The following DNAH9 variants were observed in gnomAD, a reference collection of about 807,000 sequenced individuals.
DNAH9 encodes the protein dynein axonemal heavy chain 9.
In DNAH9, 345 loss-of-function variants were observed where a neutral mutation model predicts 471.6. The ratio of observed to expected loss-of-function variants is 0.73; its 90% confidence interval spans 0.67 to 0.80. The LOEUF (loss-of-function observed/expected upper bound fraction) is 0.80. Ranked by LOEUF, DNAH9 falls within the 30% of genes least tolerant of loss-of-function variation. DNAH9 has a pLI of 0.00. For synonymous variants in DNAH9, 2,093 were observed against 2,123.6 expected (o/e 0.99, Z 0.40); for missense variants, 5,407 against 5,609.2 (o/e 0.96, Z 1.15).
chr17:11,743,629 G>A (rs1010750950), intron 30 of DNAH9, among the ~76,000 whole-genome samples: 3 of 152,094 alleles, frequency 2.0e-5, no homozygotes, highest in Non-Finnish European at 4.4e-5. Flanking sequence ...TGAGTTCCTT[G>A]AAATTGATTG....
Position 11,769,268 on chromosome 17 carries a change from C to T in DNAH9, c.7491C>T (p.Pro2497=), listed in dbSNP as rs568129739. ...GAGCTAAGCTGGCCAGCCTTGACCC[C>T]GAGGCATACCTGGTGAAAAACGTGC... ...LVGAKLASLD[P]EAYLVKNVPF... Residue 2497 remains proline (P), a synonymous_variant, in exon 38 of 69, where the codon CCC becomes CCT. Transcript: ENST00000262442. 68 of 1,614,104 alleles carry T rather than the reference C, an allele frequency of 4.2e-5. No individual in the cohort carries two copies. Among genetic ancestry groups the T allele is most frequent in the South Asian group, 3.8e-4 (35 of 91,076 alleles).
intron 38 of DNAH9, among the ~76,000 whole-genome samples, chr17:11,774,141 T>G (rs974708843): frequency 2.6e-5 from 4 of 151,894 alleles, no homozygotes; most frequent in Non-Finnish European, 5.9e-5. Context: ...TGCCACAAAA[T>G]AAAATAAAAT....
chr17:11,663,609 G>C (rs1473745916), intron 14 of DNAH9, among the ~76,000 whole-genome samples: 1 of 152,206 alleles, frequency 6.6e-6, no homozygotes, highest in African/African-American at 2.4e-5. Flanking sequence ...TCAGAAACCT[G>C]AACTATTTCT....
At chr17:11,797,874 A>C in intron 43 of DNAH9, 81 bp downstream of exon 43, 3 of 1,430,482 alleles carry the variant, frequency 2.1e-6, no homozygotes, top group Non-Finnish European at 2.8e-6. Flanking sequence ...ATTTGAGGTC[A>C]CTTCCGTAAA....
At position 11,745,057 on chromosome 17, in the gene DNAH9, C is replaced by T; in HGVS notation, c.6372C>T (p.Leu2124=). ...LVRKAIVDLK[L]QAEDNFVLKV... The stretch of plus-strand genomic sequence containing the variant: ...GGAAGGCGATAGTGGATCTGAAGCT[C>T]CAGGCTGAGGACAACTTTGTGCTCA... Residue 2124 remains leucine (L), a synonymous_variant, in exon 31 of 69, where the codon CTC becomes CTT. Coordinates refer to ENST00000262442, the MANE Select transcript of DNAH9 (RefSeq NM_001372.4). 6.2e-7 allele frequency: 1 copy of T among 1,613,712 alleles called. No homozygotes were observed. Among genetic ancestry groups the T allele is most frequent in the Non-Finnish European group, 8.5e-7 (1 of 1,179,680 alleles).
rs1486434968 is a variant in DNAH9 at position 11,757,584 on chromosome 17, C to T, written c.6887C>T (p.Pro2296Leu). 4 of 1,613,858 alleles carry T rather than the reference C, an allele frequency of 2.5e-6. No individual in the cohort carries two copies. The highest frequency in any genetic ancestry group is 3.4e-6 in the Non-Finnish European group (4 of 1,179,740). ...YINPADLGWN[P>L]PVSSWIEKRE... ...AACCCGGCAGACTTGGGATGGAACC[C>T]TCCAGTGAGCAGCTGGATTGAGAAG... Residue 2296 changes from proline (P) to leucine (L), a missense_variant, in exon 35 of 69, where the codon CCT becomes CTT. Pro to Leu is a moderately conservative substitution (Grantham distance 98, BLOSUM62 -3). Coordinates refer to ENST00000262442, the MANE Select transcript of DNAH9 (RefSeq NM_001372.4).
chr17:11,882,996 A>T (rs1972777641), intron 55 of DNAH9: 1 of 985,532 alleles, frequency 1.0e-6, no homozygotes, highest in Non-Finnish European at 1.2e-6. Flanking sequence ...GTACAAGGGC[A>T]AAGACACTAC....
At chr17:11,844,475 G>A (rs1270289438) in intron 49 of DNAH9, among the ~76,000 whole-genome samples, 1 of 151,952 alleles carries the variant, frequency 6.6e-6, no homozygotes, top group African/African-American at 2.4e-5. Context: ...GAGCGATCTC[G>A]GCTCACTGCA....
chr17:11,647,316 A>C, intron 12 of DNAH9, 118 bp downstream of exon 12: 1 of 1,038,080 alleles, frequency 9.6e-7, no homozygotes, highest in Non-Finnish European at 1.4e-6. Context: ...CTTGTCGCCC[A>C]GGCTGGAGTG....
rs180839369 is a variant in DNAH9 at position 11,871,884 on chromosome 17, C to T, written c.10242+98C>T. The stretch of plus-strand genomic sequence containing the variant: ...TCGCATCCTCTGGTGTCCTCCTGCA[C>T]ACTCATCCCCACCACCCCCTGAGCA... On this transcript the variant is annotated intron_variant, in intron 52 of 68. Coordinates refer to ENST00000262442, the MANE Select transcript of DNAH9 (RefSeq NM_001372.4). 1.8e-5 allele frequency: 22 copies of T among 1,249,032 alleles called. No homozygotes were observed. The East Asian group carries it at 3.3e-4, about 19-fold the overall frequency. 77.4% of individuals were successfully genotyped at this position (1,249,032 alleles called of 1,614,324 possible).
intron 27 of DNAH9, 37 bp from the exon 28 acceptor site, chr17:11,727,781 C>A: frequency 7.1e-7 from 1 of 1,417,182 alleles, no homozygotes; most frequent in Non-Finnish European, 1.0e-6. Flanking sequence ...ATAAGCCTGG[C>A]CCGTTGGTAA....
intron 15 of DNAH9, among the ~76,000 whole-genome samples, chr17:11,665,768 A>G (rs2073855514): frequency 6.6e-6 from 1 of 152,252 alleles, no homozygotes; most frequent in Admixed American, 6.5e-5. Flanking sequence ...AATAGTTTGA[A>G]GCCAGAGGAT....
At chr17:11,802,627 C>T (rs1211788304) in intron 43 of DNAH9, among the ~76,000 whole-genome samples, 1 of 137,612 alleles carries the variant, frequency 7.3e-6, no homozygotes, top group African/African-American at 2.8e-5. Context: ...AGTGAAACTC[C>T]ATCTCAAGAA....
At chr17:11,844,820 A>C (rs953016075) in intron 49 of DNAH9, among the ~76,000 whole-genome samples, 1 of 152,042 alleles carries the variant, frequency 6.6e-6, no homozygotes, top group African/African-American at 2.4e-5. Flanking sequence ...TTATTTCATC[A>C]CCCAGATACT....
chr17:11,690,604 C>G (rs1252512131), intron 20 of DNAH9, among the ~76,000 whole-genome samples, 168 bp downstream of exon 20: 1 of 151,088 alleles, frequency 6.6e-6, no homozygotes, highest in Non-Finnish European at 1.5e-5. Context: ...AAAAGTTAGG[C>G]AGAGGAAAAG....
chr17:11,867,252 G>T (rs1972094033), intron 50 of DNAH9, among the ~76,000 whole-genome samples: 1 of 151,888 alleles, frequency 6.6e-6, no homozygotes, highest in Non-Finnish European at 1.5e-5. Flanking sequence ...TATTTCTTTG[G>T]TAAATTCCCT....
At chr17:11,745,121 CTT>C (rs1260828947) in intron 31 of DNAH9, 37 bp downstream of exon 31, 1 of 1,559,134 alleles carries the variant, frequency 6.4e-7, no homozygotes, top group Admixed American at 1.7e-5. Context: ...TTCTCTATCT[CTT>C]ACTTATTGTC....
intron 6 of DNAH9, among the ~76,000 whole-genome samples, chr17:11,625,610 A>G (rs911394276): frequency 2.6e-5 from 4 of 152,154 alleles, no homozygotes; most frequent in Non-Finnish European, 5.9e-5. Flanking sequence ...CTCTCCTTTG[A>G]GAAGGGGGTT....
intron 7 of DNAH9, among the ~76,000 whole-genome samples, chr17:11,631,640 C>CAAAA (rs112063494): frequency 8.7e-6 from 1 of 114,816 alleles, no homozygotes; most frequent in Non-Finnish European, 1.9e-5. Flanking sequence ...GACTCTGTCT[C>CAAAA]AAAAAAAAAA....
Sources: allele counts gnomAD v4.1 joint callset (sites outside exome capture counted in the v4.1 genomes callset), GRCh38; gene constraint gnomAD v4.1.1; transcripts MANE v1.5; gene names NCBI Gene and HGNC (gene_info 2026-07-23, HGNC 2026-07-21).